TENM3: variants seen among roughly 807,000 people sequenced by gnomAD.
TENM3 encodes the protein teneurin transmembrane protein 3, also known as teneurin-3.
In TENM3, 63 loss-of-function variants were observed where a neutral mutation model predicts 255.1. That is an observed-to-expected ratio of 0.25 (90% CI 0.20 to 0.30). TENM3 has a LOEUF of 0.30. TENM3 is among the 10% of genes least tolerant of loss of function. The probability of loss-of-function intolerance (pLI) is 1.00; values close to 1 mark genes in which losing one functional copy is unlikely to be tolerated. For missense variants in TENM3, 2,929 were observed against 3,461.1 expected, an observed-to-expected ratio of 0.85 and a Z score of 3.86; for synonymous variants, 1,306 against 1,322.3, an observed-to-expected ratio of 0.99 and a Z score of 0.27.
intron 19 of TENM3, among the ~76,000 whole-genome samples, chr4:182,749,974 T>C (rs1762259788): frequency 1.9e-5 from 1 of 53,100 alleles, no homozygotes; most frequent in African/African-American, 6.0e-5. Flanking sequence ...TTAGACTGTT[T>C]ATAGAAAGGA....
the TENM3 span, among the ~76,000 whole-genome samples, chr4:181,674,088 T>C: frequency 1.3e-5 from 2 of 152,150 alleles, no homozygotes; most frequent in African/African-American, 4.8e-5. Context: ...CTCCACCTCC[T>C]GGGCTCAAGC....
chr4:182,111,213 T>TTA, the TENM3 span, among the ~76,000 whole-genome samples: 1 of 147,022 alleles, frequency 6.8e-6, no homozygotes, highest in Non-Finnish European at 1.5e-5. Context: ...TTTTTTTTTT[T>TTA]AATTAGCCTT....
chr4:181,644,375 C>G, the TENM3 span, among the ~76,000 whole-genome samples: 1 of 151,670 alleles, frequency 6.6e-6, no homozygotes, highest in Non-Finnish European at 1.5e-5. Flanking sequence ...ACTCAGTGGG[C>G]CCACATTGCC....
the TENM3 span, among the ~76,000 whole-genome samples, chr4:181,676,210 C>G: frequency 1.3e-5 from 2 of 152,038 alleles, no homozygotes; most frequent in African/African-American, 2.4e-5. Flanking sequence ...GAAATGCATA[C>G]TGGCCTAAAT....
At chr4:182,287,444 C>T (rs1461374356) in intron 1 of TENM3, among the ~76,000 whole-genome samples, 1 of 152,144 alleles carries the variant, frequency 6.6e-6, no homozygotes, top group Non-Finnish European at 1.5e-5. Flanking sequence ...ACCAGACCCT[C>T]ATGTCTGCTT....
the TENM3 span, among the ~76,000 whole-genome samples, chr4:181,747,284 G>A: frequency 6.6e-6 from 1 of 151,638 alleles, no homozygotes; most frequent in Non-Finnish European, 1.5e-5. Context: ...TCTGTTTATT[G>A]GGCATTAGAA....
intron 3 of TENM3, among the ~76,000 whole-genome samples, chr4:182,366,094 A>AT (rs1255468097): frequency 9.2e-5 from 14 of 152,076 alleles, no homozygotes; most frequent in Non-Finnish European, 1.6e-4. Flanking sequence ...ATGGACATGG[A>AT]TTTTTTTCTT....
the TENM3 span, among the ~76,000 whole-genome samples, chr4:181,608,920 A>T: frequency 2.6e-5 from 4 of 152,220 alleles, no homozygotes; most frequent in African/African-American, 4.8e-5. Flanking sequence ...TGACACATCA[A>T]CAAAGAGAGC....
In TENM3 at chr4:182,792,265, T is replaced by C. The variant is rs1181452341; in HGVS notation, c.5602-9T>C. 1.9e-6 allele frequency: 3 copies of C among 1,609,506 alleles called. No homozygotes were observed. Among genetic ancestry groups the C allele is most frequent in the South Asian group, 2.2e-5 (2 of 90,844 alleles). On this transcript the variant is annotated splice_polypyrimidine_tract_variant and intron_variant, in intron 25 of 27. Coordinates refer to ENST00000511685, the MANE Select transcript of TENM3 (RefSeq NM_001080477.4). The surrounding 1 kb of genome is among the most constrained non-coding windows in gnomAD (Gnocchi z 6.3). The stretch of plus-strand genomic sequence containing the variant: ...AAACACTGAGTAACAGTATGTTCTC[T>C]CTTTACAGTCCATGGTTCTTCTGCT...
At chr4:182,454,026 T>A in intron 3 of TENM3, among the ~76,000 whole-genome samples, 1 of 152,172 alleles carries the variant, frequency 6.6e-6, no homozygotes, top group East Asian at 1.9e-4. Flanking sequence ...TTAATTATCT[T>A]TGTTCAGGGA....
At chr4:182,359,911 G>C (rs934862970) in intron 3 of TENM3, among the ~76,000 whole-genome samples, 1 of 150,062 alleles carries the variant, frequency 6.7e-6, no homozygotes, top group Non-Finnish European at 1.5e-5. Context: ...AGAGATTCTG[G>C]TATGTTGTGT....
intron 4 of TENM3, among the ~76,000 whole-genome samples, chr4:182,606,824 A>G (rs1008992067): frequency 6.6e-6 from 1 of 152,202 alleles, no homozygotes; most frequent in Non-Finnish European, 1.5e-5. Flanking sequence ...AAAATGTGAA[A>G]GAAGGTTCTA....
intron 4 of TENM3, among the ~76,000 whole-genome samples, chr4:182,625,405 A>ATGTGAGGGATCGAGGT (rs568713871): frequency 1.2e-3 from 180 of 152,236 alleles, no homozygotes; most frequent in Non-Finnish European, 2.4e-3. Flanking sequence ...TGAACTGCGC[A>ATGTGAGGGATCGAGGT]TGTGAGGGAT....
chr4:181,843,962 C>T, the TENM3 span, among the ~76,000 whole-genome samples: 2 of 152,102 alleles, frequency 1.3e-5, no homozygotes, highest in African/African-American at 2.4e-5. Flanking sequence ...TCGTGATCCG[C>T]CCGCCTCGGC....
At chr4:181,557,386 C>T in the TENM3 span, among the ~76,000 whole-genome samples, 11 of 152,220 alleles carry the variant, frequency 7.2e-5, no homozygotes, top group East Asian at 2.1e-3. Context: ...TAATAGATCC[C>T]TTTTCAACTT....
the TENM3 span, among the ~76,000 whole-genome samples, chr4:181,914,138 G>A: frequency 1.3e-5 from 2 of 152,312 alleles, no homozygotes; most frequent in African/African-American, 4.8e-5. Context: ...TGGTTAAAAT[G>A]TTTTGATGGC....
chr4:182,143,234 G>A (rs1749605655), upstream of TENM3: 1 of 167,228 alleles, frequency 6.0e-6, no homozygotes, highest in South Asian at 2.1e-4. The surrounding 1 kb of genome is among the most constrained non-coding windows in gnomAD (Gnocchi z 4.3). Flanking sequence ...GTGATGCGGG[G>A]CGGAGGCCTA....
chr4:182,717,250 C>G (rs989711919), intron 13 of TENM3, among the ~76,000 whole-genome samples: 2 of 152,096 alleles, frequency 1.3e-5, no homozygotes, highest in Admixed American at 6.5e-5. Context: ...TTCCTCCTTG[C>G]CTTCATGTAT....
the TENM3 span, among the ~76,000 whole-genome samples, chr4:181,503,867 C>T: frequency 2.6e-5 from 4 of 152,154 alleles, no homozygotes; most frequent in South Asian, 2.1e-4. Context: ...GTTCCTGCTC[C>T]GCTCGGAAGG....
Sources: gnomAD v4.1 joint callset for allele counts (sites outside exome capture counted in the v4.1 genomes callset) on GRCh38, gnomAD v4.1.1 for gene constraint, Gnocchi (gnomAD v3.1) non-coding constraint, MANE v1.5 for transcripts, NCBI Gene and HGNC (gene_info 2026-07-23, HGNC 2026-07-21) for gene names.